PHF21A: variants seen among roughly 807,000 people sequenced by gnomAD.
PHF21A encodes the protein PHD finger protein 21A, also known as BHC80a.
PHF21A carries 11 observed loss-of-function variants against 82.5 expected under a neutral mutation model. The observed-to-expected ratio is 0.13, with a 90% CI of 0.08 to 0.22. The LOEUF (loss-of-function observed/expected upper bound fraction) is 0.22. PHF21A is among the 10% of genes least tolerant of loss of function. The pLI, the probability that PHF21A is intolerant of heterozygous loss-of-function variation, is 1.00. For synonymous variants in PHF21A, 297 were observed against 302.8 expected (o/e 0.98, Z 0.20); for missense variants, 579 against 837.8 (o/e 0.69, Z 3.81).
chr11:46,062,055 T>C (rs1176670283), intron 6 of PHF21A, among the ~76,000 whole-genome samples: 1 of 152,144 alleles, frequency 6.6e-6, no homozygotes, highest in East Asian at 1.9e-4. Flanking sequence ...TGATGACATC[T>C]GATTCCCAAT....
At chr11:46,096,409 A>T (rs7937896) in intron 1 of PHF21A, among the ~76,000 whole-genome samples, 114,252 of 151,938 alleles carry the variant, frequency 0.75, 45,298 homozygotes, top group Non-Finnish European at 0.9. Flanking sequence ...TCTCCTCCCA[A>T]TCTCTATTGA....
intron 6 of PHF21A, among the ~76,000 whole-genome samples, chr11:46,039,817 G>A (rs2096088137): frequency 6.6e-6 from 1 of 152,156 alleles, no homozygotes; most frequent in Admixed American, 6.5e-5. Context: ...AAAGTCAGAG[G>A]AAATAATTTT....
chr11:45,935,222 C>CGGAT, intron 18 of PHF21A: 4 of 1,293,764 alleles, frequency 3.1e-6, no homozygotes, highest in Non-Finnish European at 4.0e-6. Flanking sequence ...GAGGGCCGTA[C>CGGAT]GGATGGGCCC....
intron 10 of PHF21A, among the ~76,000 whole-genome samples, chr11:45,963,907 T>A (rs1297471991): frequency 6.6e-6 from 1 of 151,954 alleles, no homozygotes; most frequent in African/African-American, 2.4e-5. Context: ...GTGTAAATAA[T>A]TTATTTCTGG....
chr11:45,951,744 G>A (rs2092140446), intron 11 of PHF21A, among the ~76,000 whole-genome samples: 1 of 151,664 alleles, frequency 6.6e-6, no homozygotes, highest in Admixed American at 6.6e-5. Flanking sequence ...AATCATCTTT[G>A]CCAGTTTAGA....
At chr11:46,039,090 G>A (rs1226762826) in intron 6 of PHF21A, among the ~76,000 whole-genome samples, 1 of 152,098 alleles carries the variant, frequency 6.6e-6, no homozygotes, top group Non-Finnish European at 1.5e-5. Context: ...GATGGGTTGT[G>A]GGGTCTGACA....
chr11:46,043,525 C>A (rs1474250634), intron 6 of PHF21A, among the ~76,000 whole-genome samples: 12 of 152,086 alleles, frequency 7.9e-5, no homozygotes, highest in Non-Finnish European at 2.9e-5. Context: ...TCTCCTTCCA[C>A]TGGCCTAGTG....
chr11:45,984,129 T>C (rs1278103971), intron 6 of PHF21A, among the ~76,000 whole-genome samples: 5 of 151,988 alleles, frequency 3.3e-5, no homozygotes, highest in Admixed American at 1.3e-4. Flanking sequence ...CATTCACTGA[T>C]AAGTTAATGA....
intron 6 of PHF21A, among the ~76,000 whole-genome samples, chr11:46,004,481 G>GATAAT (rs1288143981): frequency 3.9e-5 from 6 of 152,102 alleles, no homozygotes; most frequent in Non-Finnish European, 7.4e-5. Context: ...CTTGTTCTAA[G>GATAAT]ATTATATTAA....
At chr11:46,006,486 C>T (rs923325877) in intron 6 of PHF21A, among the ~76,000 whole-genome samples, 1 of 152,230 alleles carries the variant, frequency 6.6e-6, no homozygotes, top group African/African-American at 2.4e-5. Flanking sequence ...CCACAAATCA[C>T]GCTATATAAA....
intron 6 of PHF21A, among the ~76,000 whole-genome samples, chr11:46,049,667 G>A (rs2096317479): frequency 6.6e-6 from 1 of 152,202 alleles, no homozygotes; most frequent in Non-Finnish European, 1.5e-5. Context: ...TGCAAACACA[G>A]CTGCAAGTGA....
At chr11:46,059,083 T>C (rs1005694802) in intron 6 of PHF21A, among the ~76,000 whole-genome samples, 12 of 152,148 alleles carry the variant, frequency 7.9e-5, no homozygotes, top group Non-Finnish European at 1.3e-4. Flanking sequence ...CTACTATACA[T>C]ACCAAAGAAA....
intron 6 of PHF21A, among the ~76,000 whole-genome samples, chr11:46,041,314 T>C (rs2138770359): frequency 6.6e-6 from 1 of 152,268 alleles, no homozygotes; most frequent in African/African-American, 2.4e-5. Flanking sequence ...CATTAACAAA[T>C]GAGATCTTAT....
intron 6 of PHF21A, among the ~76,000 whole-genome samples, chr11:45,987,078 G>A (rs61882505): frequency 1.3e-5 from 2 of 151,984 alleles, no homozygotes; most frequent in African/African-American, 4.8e-5. Context: ...TAAAAGAGAT[G>A]CCCAATTTAA....
rs566768684 is a variant in PHF21A, at chr11:45,978,467, T to C, written c.360+1293A>G. Among the ~76,000 whole-genome samples, 83 of 152,346 alleles carry C rather than the reference T, an allele frequency of 5.4e-4. 1 individual carries two copies. The highest frequency in any genetic ancestry group is 3.7e-3 in the East Asian group (19 of 5,190). ...TGTTAACTTATCTTTAGTGTTCTTA[T>C]AAAAAATTCATTCTTTACTTGCAAA... On this transcript the variant is annotated intron_variant, in intron 7 of 18. Coordinates refer to ENST00000676320, the MANE Select transcript of PHF21A (RefSeq NM_001352027.3).
At chr11:45,981,139 A>G (rs2094259298) in intron 6 of PHF21A, among the ~76,000 whole-genome samples, 2 of 151,992 alleles carry the variant, frequency 1.3e-5, no homozygotes, top group African/African-American at 2.4e-5. Context: ...TAATCCCAGC[A>G]CTTTAGGAGG....
intron 3 of PHF21A, among the ~76,000 whole-genome samples, chr11:46,089,201 C>T (rs1037382736): frequency 6.6e-6 from 1 of 152,100 alleles, no homozygotes; most frequent in African/African-American, 2.4e-5. Context: ...TAGGTCTTGA[C>T]AGTCATCTAC....
chr11:46,108,076 CCTA>C (rs2097171247), intron 1 of PHF21A, among the ~76,000 whole-genome samples: 2 of 152,054 alleles, frequency 1.3e-5, no homozygotes, highest in Non-Finnish European at 2.9e-5. Flanking sequence ...GTTTTAAAAT[CCTA>C]CTTTTTATTT....
intron 6 of PHF21A, among the ~76,000 whole-genome samples, chr11:46,050,572 G>A (rs117140398): frequency 6.6e-6 from 1 of 152,220 alleles, no homozygotes; most frequent in East Asian, 1.9e-4. Flanking sequence ...CTCTGGGAGG[G>A]GAATGAAGTA....
Sources: allele counts gnomAD v4.1 joint callset (sites outside exome capture counted in the v4.1 genomes callset), GRCh38; gene constraint gnomAD v4.1.1; transcripts MANE v1.5; gene names NCBI Gene and HGNC (gene_info 2026-07-23, HGNC 2026-07-21).